Variants in FOXP1 observed in about 807,000 individuals in gnomAD.
FOXP1 encodes the protein forkhead box P1.
A neutral mutation model predicts 98.2 loss-of-function variants in FOXP1; 15 were observed. That is an observed-to-expected ratio of 0.15 (90% CI 0.10 to 0.24). The LOEUF (loss-of-function observed/expected upper bound fraction) is 0.24. Among genes scored for constraint, FOXP1 ranks in the 10% least tolerant of loss-of-function variants. FOXP1 has a pLI of 1.00. For synonymous variants in FOXP1, 371 were observed against 314.5 expected (o/e 1.18, Z -1.90); for missense variants, 633 against 848.5 (o/e 0.75, Z 3.15).
intron 6 of FOXP1, among the ~76,000 whole-genome samples, chr3:71,127,387 T>C (rs1452017990): frequency 1.3e-5 from 2 of 152,184 alleles, no homozygotes; most frequent in East Asian, 3.8e-4. Flanking sequence ...ATTGCCAACA[T>C]CATATTGAGT....
At chr3:71,447,336 C>A (rs912717059) in intron 3 of FOXP1, among the ~76,000 whole-genome samples, 35 of 152,170 alleles carry the variant, frequency 2.3e-4, no homozygotes, top group Admixed American at 2.1e-3. Flanking sequence ...CCCCAACGAG[C>A]TTACAAACAG....
chr3:71,335,925 G>C (rs902283038), intron 4 of FOXP1, among the ~76,000 whole-genome samples: 1 of 151,058 alleles, frequency 6.6e-6, no homozygotes, highest in Non-Finnish European at 1.5e-5. Context: ...GACTCAGGCG[G>C]GGGTGGAGGC....
chr3:71,286,232 G>T (rs2072110542), intron 5 of FOXP1, among the ~76,000 whole-genome samples: 1 of 152,072 alleles, frequency 6.6e-6, no homozygotes, highest in African/African-American at 2.4e-5. Context: ...TGTGGCACAT[G>T]ACTGTACTTC....
At chr3:71,288,934 C>T (rs1399722837) in intron 5 of FOXP1, among the ~76,000 whole-genome samples, 1 of 152,196 alleles carries the variant, frequency 6.6e-6, no homozygotes, top group African/African-American at 2.4e-5. Flanking sequence ...TCAATGACTT[C>T]CATATTGACA....
chr3:71,343,892 T>A (rs2077163427), intron 4 of FOXP1, among the ~76,000 whole-genome samples: 1 of 152,232 alleles, frequency 6.6e-6, no homozygotes. Flanking sequence ...CTGTCACAGT[T>A]TCCAAACCTA....
chr3:71,219,122 C>T (rs1393298991), intron 5 of FOXP1, among the ~76,000 whole-genome samples: 2 of 152,298 alleles, frequency 1.3e-5, no homozygotes, highest in African/African-American at 4.8e-5. Flanking sequence ...TTCCCACCCA[C>T]ACTACCTCCT....
At chr3:71,077,598 C>T (rs1253139084) in intron 7 of FOXP1, among the ~76,000 whole-genome samples, 3 of 152,114 alleles carry the variant, frequency 2.0e-5, no homozygotes, top group South Asian at 2.1e-4. Context: ...CCCACTTCCC[C>T]GACTTCCTAC....
chr3:71,389,256 G>T (rs1313464832), intron 3 of FOXP1, among the ~76,000 whole-genome samples: 1 of 97,538 alleles, frequency 1.0e-5, no homozygotes, highest in Non-Finnish European at 2.2e-5. Context: ...GGGGGGGCCG[G>T]GGGGGGCGGG....
intron 4 of FOXP1, among the ~76,000 whole-genome samples, chr3:71,326,460 G>A (rs528966488): frequency 6.6e-6 from 1 of 152,224 alleles, no homozygotes; most frequent in Non-Finnish European, 1.5e-5. Flanking sequence ...CAAACTCCTG[G>A]TGACAACTTG....
chr3:71,275,778 G>T (rs1214009847), intron 5 of FOXP1, among the ~76,000 whole-genome samples: 2 of 152,142 alleles, frequency 1.3e-5, no homozygotes, highest in Non-Finnish European at 2.9e-5. Flanking sequence ...GTAATCACAT[G>T]CCCGTGTCCC....
intron 5 of FOXP1, among the ~76,000 whole-genome samples, chr3:71,233,492 T>C (rs1221655194): frequency 6.6e-6 from 1 of 151,882 alleles, no homozygotes; most frequent in East Asian, 1.9e-4. Flanking sequence ...AATGGCGCGA[T>C]CTCAGCTCAC....
At chr3:71,277,969 A>G (rs1194843511) in intron 5 of FOXP1, among the ~76,000 whole-genome samples, 1 of 152,136 alleles carries the variant, frequency 6.6e-6, no homozygotes, top group Admixed American at 6.5e-5. Flanking sequence ...GCACGCAGGA[A>G]AAGCCCAAAT....
Position 70,954,946 on chromosome 3 carries a change from G to C in FOXP1, c.*4301C>G, listed in dbSNP as rs1453591891. ...ATATACATGAAGCACCATGCTCACA[G>C]TCCGGACTGTATCATCTTCATCAAG... On this transcript the variant is annotated 3_prime_UTR_variant, in exon 21 of 21. Coordinates refer to ENST00000649528, the MANE Select transcript of FOXP1 (RefSeq NM_001349338.3). The C allele has an allele frequency of 3.4e-5, 8 of 232,760 alleles. No homozygotes were observed. Among genetic ancestry groups the C allele is most frequent in the Non-Finnish European group, 1.7e-5 (2 of 117,832 alleles). 14.4% of individuals were successfully genotyped at this position (232,760 alleles called of 1,614,324 possible). A position where few individuals can be genotyped will look rare whatever the true frequency, so the allele number is the denominator to read the frequency against.
chr3:71,340,419 G>T (rs1434106424), intron 4 of FOXP1, among the ~76,000 whole-genome samples: 1 of 152,140 alleles, frequency 6.6e-6, no homozygotes, highest in Non-Finnish European at 1.5e-5. Context: ...CTGTATTTTG[G>T]GGGGAAAAGC....
chr3:71,306,783 AC>A (rs1353598862), intron 4 of FOXP1, among the ~76,000 whole-genome samples: 1 of 152,148 alleles, frequency 6.6e-6, no homozygotes, highest in East Asian at 1.9e-4. Flanking sequence ...TAAAAACATT[AC>A]CCCCATATTA....
intron 13 of FOXP1, among the ~76,000 whole-genome samples, chr3:70,996,560 T>C (rs1438890799): frequency 3.9e-5 from 6 of 152,228 alleles, no homozygotes; most frequent in African/African-American, 9.6e-5. Flanking sequence ...GTTTGTCTGA[T>C]AGATCAGAGA....
intron 3 of FOXP1, among the ~76,000 whole-genome samples, chr3:71,459,166 T>C (rs765766847): frequency 6.6e-6 from 1 of 152,212 alleles, no homozygotes; most frequent in African/African-American, 2.4e-5. Flanking sequence ...AAGGTGCTAG[T>C]AGGAATTAAA....
At position 71,500,272 on chromosome 3, in the gene FOXP1, G is replaced by C. The variant is rs573912939; in HGVS notation, c.-297-6717C>G. ...TACGTAATTACTTTTCTAGCTCTGA[G>C]GCTCAACCTGAAACCTTTTCGGTTT... is the stretch of plus-strand genomic sequence containing the variant. On this transcript the variant is annotated intron_variant, in intron 2 of 20. Transcript: ENST00000649528. Among the ~76,000 whole-genome samples, 7 of 152,320 alleles carry C rather than the reference G, an allele frequency of 4.6e-5. No homozygotes were observed. In the East Asian group the frequency reaches 1.3e-3, roughly 29 times the overall value.
chr3:71,167,236 C>T (rs932029851), intron 6 of FOXP1, among the ~76,000 whole-genome samples: 23 of 152,128 alleles, frequency 1.5e-4, no homozygotes, highest in Non-Finnish European at 1.3e-4. Flanking sequence ...CTTTTATATA[C>T]GAAGGCGGTG....
Sources: gnomAD v4.1 joint callset for allele counts (sites outside exome capture counted in the v4.1 genomes callset) on GRCh38, gnomAD v4.1.1 for gene constraint, MANE v1.5 for transcripts, NCBI Gene and HGNC (gene_info 2026-07-23, HGNC 2026-07-21) for gene names.